NBAS: variants seen among roughly 807,000 people sequenced by gnomAD.
The protein encoded by NBAS is NAG/BC035112 fusion.
A neutral mutation model predicts 302.5 loss-of-function variants in NBAS; 219 were observed. The ratio of observed to expected loss-of-function variants is 0.72; its 90% CI spans 0.65 to 0.81. NBAS has a LOEUF of 0.81. Among genes scored for constraint, NBAS ranks in the 30% least tolerant of loss-of-function variants. The pLI is 0.00. For missense variants in NBAS, 2,932 were observed against 2,841.6 expected, an observed-to-expected ratio of 1.03 and a Z score of -0.72; for synonymous variants, 1,118 against 1,021.6, an observed-to-expected ratio of 1.09 and a Z score of -1.80.
intron 11 of NBAS, among the ~76,000 whole-genome samples, chr2:15,497,835 C>CTATGAG (rs1394358886): frequency 2.6e-5 from 4 of 152,070 alleles, no homozygotes; most frequent in African/African-American, 7.2e-5. Context: ...CTAGTAACAC[C>CTATGAG]TATGAGTAGG....
At chr2:15,328,122 G>A (rs1672159477) in intron 37 of NBAS, 77 bp downstream of exon 37, 2 of 1,409,606 alleles carry the variant, frequency 1.4e-6, no homozygotes, top group South Asian at 1.2e-5. Flanking sequence ...ATATTTTCAA[G>A]AAAATTTTAG....
chr2:15,503,071 A>G (rs1259840364), intron 11 of NBAS, among the ~76,000 whole-genome samples: 1 of 152,142 alleles, frequency 6.6e-6, no homozygotes, highest in Non-Finnish European at 1.5e-5. Flanking sequence ...CTAGGCCAAC[A>G]CAGGGTCAGG....
the NBAS span, among the ~76,000 whole-genome samples, chr2:14,870,826 G>T: frequency 6.6e-6 from 1 of 152,072 alleles, no homozygotes; most frequent in Non-Finnish European, 1.5e-5. Flanking sequence ...ACAGATAACA[G>T]AAGTTTGTAA....
chr2:15,116,543 T>C, the NBAS span, among the ~76,000 whole-genome samples: 1 of 152,336 alleles, frequency 6.6e-6, no homozygotes, highest in South Asian at 2.1e-4. Flanking sequence ...AAAGGTCCCA[T>C]ATCCAAATAT....
rs1250129614 is a variant in NBAS at position 15,383,248 on chromosome 2, T to C, written c.3327A>G (p.Val1109=). Residue 1109 remains valine (V), a synonymous_variant, in exon 29 of 52, where the codon GTA becomes GTG. Coordinates refer to ENST00000281513, the MANE Select transcript of NBAS (RefSeq NM_015909.4). ...AGGCATCAGAATCTAGACATGTGTA[T>C]ACATTCTGCTGCATAGTTAACATGT... ...LQDMLTMQQN[V]YTCLDSDACY... 1.2e-6 allele frequency: 2 copies of C among 1,613,870 alleles called. No individual in the cohort carries two copies. The highest frequency in any genetic ancestry group is 1.3e-5 in the African/African-American group (1 of 74,894).
chr2:15,301,716 A>G (rs775056663), intron 40 of NBAS, among the ~76,000 whole-genome samples: 44 of 152,256 alleles, frequency 2.9e-4, no homozygotes, highest in Non-Finnish European at 3.1e-4. Flanking sequence ...AGAGGTAAGT[A>G]CAGGGGAGTA....
the NBAS span, among the ~76,000 whole-genome samples, chr2:15,025,585 T>A: frequency 6.6e-6 from 1 of 151,974 alleles, no homozygotes; most frequent in Non-Finnish European, 1.5e-5. Flanking sequence ...TTGATTCTTC[T>A]TATCCATGAG....
intron 48 of NBAS, among the ~76,000 whole-genome samples, chr2:15,216,832 T>C (rs1666674424): frequency 6.6e-6 from 1 of 152,174 alleles, no homozygotes; most frequent in Non-Finnish European, 1.5e-5. Flanking sequence ...TGACATAACA[T>C]AAAGTGAGGC....
chr2:15,047,945 C>T, the NBAS span, among the ~76,000 whole-genome samples: 2 of 152,232 alleles, frequency 1.3e-5, no homozygotes, highest in Non-Finnish European at 2.9e-5. Flanking sequence ...AAACGTTCAT[C>T]GGTTGCTTTG....
At chr2:14,925,433 T>G in the NBAS span, among the ~76,000 whole-genome samples, 1 of 152,198 alleles carries the variant, frequency 6.6e-6, no homozygotes, top group Non-Finnish European at 1.5e-5. Context: ...ACTCCTACTT[T>G]GCCAATTATT....
At chr2:15,405,023 T>A (rs909998807) in intron 25 of NBAS, among the ~76,000 whole-genome samples, 2 of 152,184 alleles carry the variant, frequency 1.3e-5, no homozygotes, top group African/African-American at 4.8e-5. Context: ...ATTACTTGCA[T>A]TTACCTAAAC....
At chr2:15,367,974 A>G (rs1311512791) in intron 31 of NBAS, among the ~76,000 whole-genome samples, 1 of 152,198 alleles carries the variant, frequency 6.6e-6, no homozygotes, top group Non-Finnish European at 1.5e-5. Flanking sequence ...TCACACAGGA[A>G]TATGTATATA....
At chr2:15,341,570 T>C (rs567289978) in intron 35 of NBAS, among the ~76,000 whole-genome samples, 3 of 152,172 alleles carry the variant, frequency 2.0e-5, no homozygotes, top group African/African-American at 7.2e-5. Context: ...AAAACAAAAA[T>C]GTATTGCTTA....
chr2:15,407,066 A>G (rs1676449726), intron 25 of NBAS, among the ~76,000 whole-genome samples: 1 of 152,180 alleles, frequency 6.6e-6, no homozygotes, highest in Non-Finnish European at 1.5e-5. Context: ...ATAAAAATAC[A>G]TGTGGACAAG....
intron 38 of NBAS, among the ~76,000 whole-genome samples, chr2:15,326,062 A>T (rs556522945): frequency 3.2e-4 from 48 of 152,358 alleles, no homozygotes; most frequent in African/African-American, 1.1e-3. Flanking sequence ...AATTAAGTTT[A>T]CATCTTATAT....
intron 44 of NBAS, among the ~76,000 whole-genome samples, chr2:15,239,869 A>T (rs966450820): frequency 6.6e-6 from 1 of 152,170 alleles, no homozygotes; most frequent in African/African-American, 2.4e-5. Context: ...TTAATAAAAT[A>T]CTATCCTCAA....
At chr2:15,508,216 A>G (rs1661963398) in intron 10 of NBAS, among the ~76,000 whole-genome samples, 2 of 152,154 alleles carry the variant, frequency 1.3e-5, no homozygotes, top group Admixed American at 6.5e-5. Context: ...TTTCCCACTT[A>G]TTTTGTCAGC....
the NBAS span, among the ~76,000 whole-genome samples, chr2:15,062,441 T>C: frequency 6.6e-6 from 1 of 152,218 alleles, no homozygotes; most frequent in East Asian, 1.9e-4. Flanking sequence ...TAACCCAGCA[T>C]GATCCTTTTA....
At chr2:14,951,765 C>T in the NBAS span, among the ~76,000 whole-genome samples, 230 of 152,280 alleles carry the variant, frequency 1.5e-3, no homozygotes, top group African/African-American at 4.7e-3. Context: ...TCTTACTCAT[C>T]CCAGGTTACA....
Sources: gnomAD v4.1 joint callset for allele counts (sites outside exome capture counted in the v4.1 genomes callset) on GRCh38, gnomAD v4.1.1 for gene constraint, MANE v1.5 for transcripts, NCBI Gene and HGNC (gene_info 2026-07-23, HGNC 2026-07-21) for gene names.